The following GATM variants were observed in gnomAD, a reference collection of about 807,000 sequenced individuals.
GATM encodes the protein glycine amidinotransferase.
A neutral mutation model predicts 54.2 loss-of-function variants in GATM; 23 were observed. The observed-to-expected ratio is 0.42, with a 90% confidence interval of 0.31 to 0.60. The LOEUF (loss-of-function observed/expected upper bound fraction) is 0.60. Ranked by LOEUF, GATM falls within the 20% of genes least tolerant of loss-of-function variation. The pLI is 0.14. For missense variants in GATM, 401 were observed against 544.9 expected (o/e 0.74, Z 2.63); for synonymous variants, 168 against 183.1 (o/e 0.92, Z 0.67).
chr15:45,375,246 T>C (rs1193481198), intron 2 of GATM, among the ~76,000 whole-genome samples: 1 of 152,056 alleles, frequency 6.6e-6, no homozygotes, highest in Non-Finnish European at 1.5e-5. Context: ...AATTTTTGTA[T>C]TTTTAGTGGA....
intron 3 of GATM, among the ~76,000 whole-genome samples, chr15:45,394,095 C>T (rs537639272): frequency 3.9e-5 from 6 of 152,152 alleles, no homozygotes; most frequent in South Asian, 2.1e-4. Flanking sequence ...GGCCACAGAC[C>T]GCTGCCAGTC....
At chr15:45,365,001 T>G in intron 6 of GATM, 141 bp from the exon 7 acceptor site, 1 of 720,368 alleles carries the variant, frequency 1.4e-6, no homozygotes, top group Non-Finnish European at 2.4e-6. Context: ...TTAAAATTTC[T>G]AAACATTTGG....
chr15:45,396,162 C>T (rs1338148799), intron 3 of GATM: 1 of 152,202 alleles, frequency 6.6e-6, no homozygotes, highest in Non-Finnish European at 1.5e-5. Flanking sequence ...AGTTGATAAA[C>T]TTGCCTTGAA....
At chr15:45,382,990 A>G (rs1239253813), upstream of GATM, among the ~76,000 whole-genome samples, 2 of 152,158 alleles carry the variant, frequency 1.3e-5, no homozygotes, top group African/African-American at 4.8e-5. Context: ...GCCTGATCCC[A>G]CAATAGCCTG....
intron 3 of GATM, among the ~76,000 whole-genome samples, chr15:45,388,628 T>C (rs781163458): frequency 6.6e-5 from 10 of 152,236 alleles, no homozygotes; most frequent in Admixed American, 5.2e-4. Context: ...TTGTAGTCTA[T>C]GCTTTGAACT....
intron 2 of GATM, among the ~76,000 whole-genome samples, chr15:45,376,162 C>T (rs1466980633): frequency 2.0e-5 from 3 of 152,118 alleles, no homozygotes; most frequent in East Asian, 1.9e-4. Flanking sequence ...TCCAGATGTG[C>T]CAAGTTTGAA....
Position 45,369,319 on chromosome 15 carries a change from C to A in GATM, c.484+7G>T. ...CACTGGCAGTTTAGTTATCTGACAT[C>A]ACTTACCCGTAGACTCAAAATCAGG... is the stretch of plus-strand genomic sequence containing the variant. On this transcript the variant is annotated splice_region_variant and intron_variant, in intron 3 of 8. Coordinates refer to ENST00000396659, the MANE Select transcript of GATM (RefSeq NM_001482.3). 6.2e-7 allele frequency: 1 copy of A among 1,612,364 alleles called. No homozygotes were observed. The highest frequency in any genetic ancestry group is 8.5e-7 in the Non-Finnish European group (1 of 1,178,418).
Position 45,368,816 on chromosome 15 carries a change from A to G in GATM, c.484+510T>C, listed in dbSNP as rs1012380937. On this transcript the variant is annotated intron_variant, in intron 3 of 8. Coordinates refer to ENST00000396659, the MANE Select transcript of GATM (RefSeq NM_001482.3). The surrounding 1 kb of genome is among the most constrained non-coding windows in gnomAD (Gnocchi z 5.1). The stretch of plus-strand genomic sequence containing the variant: ...AAGTGAAGGAATAAAGTCCTTGTAC[A>G]AAGAGATCTTGAACCACCAAGCTTT... 1.3e-5 allele frequency among the ~76,000 whole-genome samples: 2 copies of G among 152,092 alleles called. No individual in the cohort carries two copies. The highest frequency in any genetic ancestry group is 2.9e-5 in the Non-Finnish European group (2 of 68,028).
At chr15:45,400,273 T>G (rs1046854869) in intron 1 of GATM, among the ~76,000 whole-genome samples, 1 of 152,208 alleles carries the variant, frequency 6.6e-6, no homozygotes, top group African/African-American at 2.4e-5. Flanking sequence ...AAGGAGATTA[T>G]GTCATTGAAT....
At chr15:45,393,696 AT>A (rs1345242022) in intron 3 of GATM, among the ~76,000 whole-genome samples, 1 of 152,128 alleles carries the variant, frequency 6.6e-6, no homozygotes, top group Non-Finnish European at 1.5e-5. Flanking sequence ...TGGACTTTGG[AT>A]TTTTTTGAAT....
rs548434437 is a variant in GATM at position 45,393,230 on chromosome 15, T to C, written c.-319+3692A>G. 2.0e-4 allele frequency among the ~76,000 whole-genome samples: 30 copies of C among 152,312 alleles called. No individual in the cohort carries two copies. In the East Asian group the frequency reaches 5.8e-3, roughly 29 times the overall value. On this transcript the variant is annotated intron_variant, in intron 3 of 4. Transcript: ENST00000561148. ...AAAGCCTTGTCTAAGGTCACATAAC[T>C]ATTAATTGGTGGGTGTGGTTTGCAA...
chr15:45,369,456 A>C lies in GATM; in HGVS notation c.354T>G (p.Asp118Glu). 6.2e-7 allele frequency: 1 copy of C among 1,613,772 alleles called. No individual in the cohort carries two copies. Among genetic ancestry groups the C allele is most frequent in the Non-Finnish European group, 8.5e-7 (1 of 1,179,950 alleles). ...QKQGGHYFPK[D>E]HLKKAVAEIE... ...TTTCAGCAACAGCCTTTTTCAAATG[A>C]TCTTTGGGAAAATAATGCCCTCCTT... The change falls in exon 3 of 9, where the codon GAT becomes GAG. Residue 118 changes from aspartate (D) to glutamate (E), a missense_variant. Around this residue, in one of 3 missense-constraint regions of GATM, gnomAD observed 321 missense variants for 457.5 expected, o/e 0.70. Transcript: ENST00000396659.
intron 3 of GATM, among the ~76,000 whole-genome samples, chr15:45,390,591 A>T (rs1889861131): frequency 6.6e-6 from 1 of 152,134 alleles, no homozygotes; most frequent in African/African-American, 2.4e-5. Flanking sequence ...CCAAAATTGC[A>T]CTTGAGGATT....
At chr15:45,377,748 T>A (rs1189640240) in intron 1 of GATM, 1 of 158,554 alleles carries the variant, frequency 6.3e-6, no homozygotes, top group African/African-American at 2.4e-5. Flanking sequence ...ACTAGAAGCA[T>A]GGGAGGGTCT....
intron 1 of GATM, chr15:45,378,162 G>T (rs940955387): frequency 6.3e-6 from 3 of 477,004 alleles, no homozygotes; most frequent in African/African-American, 6.2e-5. Flanking sequence ...GAGCCGCAAC[G>T]CAAGTTCCCC....
chr15:45,381,565 T>A (rs565515179), upstream of GATM, among the ~76,000 whole-genome samples: 18 of 152,344 alleles, frequency 1.2e-4, no homozygotes, highest in African/African-American at 4.3e-4. Flanking sequence ...TATATCATGG[T>A]TGACTTCAGA....
chr15:45,374,814 T>C (rs974298308), intron 2 of GATM, among the ~76,000 whole-genome samples: 3 of 152,278 alleles, frequency 2.0e-5, no homozygotes, highest in Admixed American at 2.0e-4. Flanking sequence ...AGGCAATATT[T>C]CTGAAGACCA....
In GATM at chr15:45,368,073, G is replaced by T; in HGVS notation, c.672C>A (p.Asn224Lys). Reference protein sequence around the residue: ...PKPTMADELYNQDYPIHSVED... With the variant: ...PKPTMADELYKQDYPIHSVED... ...TAGCCTATAATTAGGGACTCACCTGGTTATAAAGCTCATCAGCCATTGTGG... is the reference window on the plus strand; with the variant it reads ...TAGCCTATAATTAGGGACTCACCTGTTTATAAAGCTCATCAGCCATTGTGG... Residue 224 changes from asparagine (N) to lysine (K), a missense_variant, in exon 4 of 9, where the codon AAC becomes AAA. Asn to Lys is a moderately conservative substitution (Grantham distance 94). Around this residue, in one of 3 missense-constraint regions of GATM, gnomAD observed 321 missense variants for 457.5 expected, o/e 0.70. Transcript: ENST00000396659. This position sits in a 1 kb window ranked among gnomAD's most constrained non-coding sequence, Gnocchi z 5.1. 6.2e-7 allele frequency: 1 copy of T among 1,613,842 alleles called. No individual in the cohort carries two copies. Among genetic ancestry groups the T allele is most frequent in the Non-Finnish European group, 8.5e-7 (1 of 1,179,832 alleles).
At chr15:45,394,038 C>T (rs7181167) in intron 3 of GATM, among the ~76,000 whole-genome samples, 1 of 152,078 alleles carries the variant, frequency 6.6e-6, no homozygotes, top group Non-Finnish European at 1.5e-5. Flanking sequence ...CACATAGCAT[C>T]AACTCTTACA....
Sources: allele counts gnomAD v4.1 joint callset (sites outside exome capture counted in the v4.1 genomes callset), GRCh38; gene constraint gnomAD v4.1.1; regional missense constraint gnomAD v4.1.1; non-coding constraint Gnocchi (gnomAD v3.1); transcripts MANE v1.5; gene names NCBI Gene and HGNC (gene_info 2026-07-23, HGNC 2026-07-21).